TRIP11: variants seen among roughly 807,000 people sequenced by gnomAD.
The protein encoded by TRIP11 is thyroid hormone receptor interactor 11, also known as thyroid receptor-interacting protein 11.
Under a neutral mutation model 223.1 loss-of-function variants are expected in TRIP11, and 148 were observed. The ratio of observed to expected loss-of-function variants is 0.66; its 90% CI spans 0.58 to 0.76. The LOEUF is 0.76. Ranked by LOEUF, TRIP11 falls within the 30% of genes least tolerant of loss-of-function variation. TRIP11 has a pLI of 0.00. For missense variants in TRIP11, 2,043 were observed against 2,222.0 expected, an observed-to-expected ratio of 0.92 and a Z score of 1.62; for synonymous variants, 762 against 772.6, an observed-to-expected ratio of 0.99 and a Z score of 0.23.
At position 92,014,501 on chromosome 14, in the gene TRIP11, T is replaced by C. The variant is rs751409972; in HGVS notation, c.900A>G (p.Glu300=). ...CCATTTTTTTGGTAGACTCCACTTTTTCTATTTGTAGAACTTGAATAGTTT... is the reference window on the plus strand; with the variant it reads ...CCATTTTTTTGGTAGACTCCACTTTCTCTATTTGTAGAACTTGAATAGTTT... ...MQKTIQVLQI[E]KVESTKKMEQ... The change falls in exon 7 of 21, where the codon GAA becomes GAG. Residue 300 remains glutamate, a synonymous_variant. Coordinates refer to ENST00000267622, the MANE Select transcript of TRIP11 (RefSeq NM_004239.4). 6.3e-7 allele frequency: 1 copy of C among 1,597,440 alleles called. No individual in the cohort carries two copies. Among genetic ancestry groups the C allele is most frequent in the Non-Finnish European group, 8.5e-7 (1 of 1,175,902 alleles).
At chr14:92,038,794 G>A (rs756677026) in intron 1 of TRIP11, among the ~76,000 whole-genome samples, 1 of 152,122 alleles carries the variant, frequency 6.6e-6, no homozygotes, top group Non-Finnish European at 1.5e-5. Context: ...TTACTAAAAT[G>A]CCAAGAAATC....
chr14:91,986,789 T>C (rs778996940), intron 16 of TRIP11, among the ~76,000 whole-genome samples: 1 of 152,190 alleles, frequency 6.6e-6, no homozygotes, highest in Non-Finnish European at 1.5e-5. Flanking sequence ...ATGTTGTAGT[T>C]GCACTGGCCT....
intron 2 of TRIP11, among the ~76,000 whole-genome samples, chr14:92,031,636 G>A (rs2057266382): frequency 6.6e-6 from 1 of 151,950 alleles, no homozygotes; most frequent in Non-Finnish European, 1.5e-5. Flanking sequence ...CTATTAGAGA[G>A]GTAACTGAAC....
At chr14:91,989,794 C>T (rs1242565555) in intron 15 of TRIP11, among the ~76,000 whole-genome samples, 1 of 151,968 alleles carries the variant, frequency 6.6e-6, no homozygotes, top group East Asian at 1.9e-4. Flanking sequence ...TGGGTGGGCC[C>T]GACTGAACCA....
intron 14 of TRIP11, 89 bp downstream of exon 14, chr14:91,995,263 C>T: frequency 6.6e-7 from 1 of 1,511,372 alleles, no homozygotes; most frequent in Non-Finnish European, 9.1e-7. Context: ...AGAGATTTCC[C>T]CGTGCCTCAT....
chr14:92,026,455 T>C, intron 2 of TRIP11: 1 of 684,592 alleles, frequency 1.5e-6, no homozygotes, highest in Non-Finnish European at 2.6e-6. Flanking sequence ...CATCTTTGCA[T>C]TGTTCCTCGT....
chr14:91,976,270 CT>C, intron 16 of TRIP11, 81 bp from the exon 17 acceptor site: 1 of 1,141,948 alleles, frequency 8.8e-7, no homozygotes, highest in Non-Finnish European at 1.3e-6. Context: ...TTTATGAGAT[CT>C]TTATTATAAC....
chr14:91,971,499 A>G (rs1430372008), intron 20 of TRIP11, among the ~76,000 whole-genome samples: 1 of 151,986 alleles, frequency 6.6e-6, no homozygotes, highest in Non-Finnish European at 1.5e-5. Flanking sequence ...ACTTGATACA[A>G]GAAAGGGGAA....
rs889278605 is a variant in TRIP11, at chr14:92,026,850, T to C, written c.202-1430A>G. On this transcript the variant is annotated intron_variant, in intron 2 of 20. Coordinates refer to ENST00000267622, the MANE Select transcript of TRIP11 (RefSeq NM_004239.4). ...GCTGAAGATGATGAGGATGACGATG[T>C]TGATACCAAGAAGCAGAAGACCGAC... 6.6e-6 allele frequency: 10 copies of C among 1,509,540 alleles called. No homozygotes were observed. In the African/African-American group the frequency reaches 1.2e-4, roughly 19 times the overall value. 93.5% of individuals were successfully genotyped at this position (1,509,540 alleles called of 1,614,324 possible).
intron 15 of TRIP11, among the ~76,000 whole-genome samples, chr14:91,993,592 T>C (rs945060713): frequency 1.3e-5 from 2 of 151,840 alleles, no homozygotes; most frequent in Admixed American, 6.6e-5. Context: ...AAAATTTAAA[T>C]GTCCTGTCAT....
intron 7 of TRIP11, among the ~76,000 whole-genome samples, chr14:92,012,965 G>A (rs1453040179): frequency 6.6e-6 from 1 of 152,098 alleles, no homozygotes; most frequent in African/African-American, 2.4e-5. Flanking sequence ...GGAGAACAGA[G>A]AATTTTAAAA....
intron 4 of TRIP11, among the ~76,000 whole-genome samples, chr14:92,018,987 A>C (rs1415465804): frequency 6.6e-6 from 1 of 151,510 alleles, no homozygotes; most frequent in Non-Finnish European, 1.5e-5. Context: ...AACAAAAAAA[A>C]AACTTTCAGT....
chr14:91,982,878 G>A (rs894312768), intron 16 of TRIP11, among the ~76,000 whole-genome samples: 5 of 151,930 alleles, frequency 3.3e-5, no homozygotes, highest in African/African-American at 7.3e-5. Flanking sequence ...ATTTCCACAC[G>A]GCAACCCACT....
At chr14:92,028,489 G>C (rs1202839062) in intron 2 of TRIP11, among the ~76,000 whole-genome samples, 2 of 152,136 alleles carry the variant, frequency 1.3e-5, no homozygotes, top group Non-Finnish European at 2.9e-5. Flanking sequence ...AGAGGTCAAG[G>C]CTGCAGGGGA....
At chr14:92,033,093 G>C (rs1185321422) in intron 2 of TRIP11, 99 bp downstream of exon 2, 9 of 872,522 alleles carry the variant, frequency 1.0e-5, no homozygotes, top group Non-Finnish European at 1.1e-5. Flanking sequence ...GAAAAAAAGT[G>C]CTAAGCAGTA....
chr14:91,994,455 G>T (rs1294821815), intron 14 of TRIP11, among the ~76,000 whole-genome samples: 1 of 152,004 alleles, frequency 6.6e-6, no homozygotes, highest in Non-Finnish European at 1.5e-5. Context: ...CATTGGCCAG[G>T]CTGGTCTTGA....
intron 20 of TRIP11, among the ~76,000 whole-genome samples, chr14:91,970,233 G>A (rs972188303): frequency 8.6e-5 from 13 of 151,796 alleles, no homozygotes; most frequent in African/African-American, 1.2e-4. Context: ...ATGGTGAAAC[G>A]CCGTCTCTAC....
chr14:92,001,748 T>C (rs995761347), intron 11 of TRIP11, among the ~76,000 whole-genome samples: 2 of 152,234 alleles, frequency 1.3e-5, no homozygotes, highest in African/African-American at 4.8e-5. Flanking sequence ...TTGTACTTTA[T>C]TCCTCTGTTC....
At chr14:92,017,646 G>A in intron 5 of TRIP11, 36 bp downstream of exon 5, 2 of 1,513,096 alleles carry the variant, frequency 1.3e-6, no homozygotes, top group Non-Finnish European at 1.8e-6. Flanking sequence ...AGATTTAGAT[G>A]TATAACTCCC....
Sources: gnomAD v4.1 joint callset for allele counts (sites outside exome capture counted in the v4.1 genomes callset) on GRCh38, gnomAD v4.1.1 for gene constraint, MANE v1.5 for transcripts, NCBI Gene and HGNC (gene_info 2026-07-23, HGNC 2026-07-21) for gene names.